Variants in WDR62 observed in about 807,000 individuals in gnomAD.
The protein encoded by WDR62 is WD repeat-containing protein 62.
A neutral mutation model predicts 160.6 loss-of-function variants in WDR62; 112 were observed. The observed-to-expected ratio is 0.70, with a 90% CI of 0.60 to 0.82. The LOEUF (loss-of-function observed/expected upper bound fraction) is 0.82. Among genes scored for constraint, WDR62 ranks in the 40% least tolerant of loss-of-function variants. The probability of loss-of-function intolerance (pLI) is 0.00; values close to 1 mark genes in which losing one functional copy is unlikely to be tolerated. For missense variants in WDR62, 1,819 were observed against 1,983.8 expected, an observed-to-expected ratio of 0.92 and a Z score of 1.58; for synonymous variants, 792 against 815.1, an observed-to-expected ratio of 0.97 and a Z score of 0.48.
chr19:36,057,225 G>A (rs1405465858), intron 1 of WDR62, among the ~76,000 whole-genome samples: 1 of 152,138 alleles, frequency 6.6e-6, no homozygotes, highest in Non-Finnish European at 1.5e-5. Context: ...CATATCCTAG[G>A]CACTTAGAAC....
In WDR62 at chr19:36,066,008, C is replaced by CA. The variant is rs1378637009; in HGVS notation, c.384dup (p.Gly129ArgfsTer6). ...TCCCCTGATGGGAAGTACATAGTGA[C>CA]AGGGGAGGTGAGTCGTGATCGTGAC... On this transcript the variant is annotated frameshift_variant, in exon 4 of 32. Transcript: ENST00000401500. LOFTEE classifies it high-confidence loss of function. 6.2e-7 allele frequency: 1 copy of CA among 1,614,026 alleles called. No individual in the cohort carries two copies. Among genetic ancestry groups the CA allele is most frequent in the African/African-American group, 1.3e-5 (1 of 74,924 alleles).
At position 36,099,615 on chromosome 19, in the gene WDR62, G is replaced by A. The variant is rs149378531; in HGVS notation, c.2737G>A (p.Glu913Lys). The change falls in exon 22 of 32, where the codon GAG (glutamate) becomes AAG (lysine). Residue 913 changes from glutamate to lysine, a missense_variant and splice_region_variant. Physicochemically the swap from Glu to Lys is moderately conservative, Grantham distance 56. Transcript: ENST00000401500. ...ACAGAGCCTGGCCAGCCTGCTGAGT[G>A]AGGTACACACTTCCACCGCAGCCTG... ...EPQSLASLLS[E>K]SESPQEAGRG... 1 of 1,614,074 alleles carries A rather than the reference G, an allele frequency of 6.2e-7. No homozygotes were observed. The highest frequency in any genetic ancestry group is 1.3e-5 in the African/African-American group (1 of 75,066).
At chr19:36,075,372 T>A (rs537573326) in intron 9 of WDR62, 2 of 152,164 alleles carry the variant, frequency 1.3e-5, no homozygotes, top group South Asian at 4.1e-4. Flanking sequence ...ACTCTAAGGT[T>A]CTATCTGTAT....
intron 3 of WDR62, 58 bp downstream of exon 3, chr19:36,060,088 C>G (rs1970570169): frequency 3.3e-6 from 5 of 1,530,370 alleles, no homozygotes; most frequent in South Asian, 1.1e-5. Flanking sequence ...CACGCCTCCC[C>G]TCCCCTACAC....
chr19:36,057,521 C>CT (rs34412614), intron 1 of WDR62, among the ~76,000 whole-genome samples: 69,787 of 146,832 alleles, frequency 0.48, 17,185 homozygotes, highest in African/African-American at 0.62. Flanking sequence ...TGTTTTGTTC[C>CT]TTTTTTTTTT....
intron 7 of WDR62, among the ~76,000 whole-genome samples, chr19:36,069,411 G>T (rs940849650): frequency 9.2e-5 from 14 of 151,368 alleles, no homozygotes; most frequent in Non-Finnish European, 1.5e-4. Flanking sequence ...GGGCAGAGGC[G>T]CTCCCCGCAT....
chr19:36,086,680 C>T lies in WDR62; in HGVS notation c.1643-7C>T. On this transcript the variant is annotated splice_region_variant and splice_polypyrimidine_tract_variant and intron_variant, in intron 12 of 31. Transcript: ENST00000401500. ...TCAGGAACCAGTCTCATTCTCTCCT[C>T]TCACAGGGCTGACCTTGCTGGCCTC... 6.3e-7 allele frequency: 1 copy of T among 1,596,930 alleles called. No individual in the cohort carries two copies. Among genetic ancestry groups the T allele is most frequent in the African/African-American group, 1.3e-5 (1 of 74,654 alleles).
chr19:36,076,428 G>A (rs913002354), intron 9 of WDR62, among the ~76,000 whole-genome samples: 2 of 151,970 alleles, frequency 1.3e-5, no homozygotes, highest in Non-Finnish European at 2.9e-5. Flanking sequence ...CATGGTGGCA[G>A]GCGCCTGTAG....
chr19:36,071,699 A>G lies in WDR62; in HGVS notation c.1026A>G (p.Ala342=). The G allele has an allele frequency of 1.9e-6, 3 of 1,613,988 alleles. No homozygotes were observed. Among genetic ancestry groups the G allele is most frequent in the Non-Finnish European group, 2.5e-6 (3 of 1,179,932 alleles). Residue 342 remains alanine (A), a synonymous_variant, in exon 8 of 32, where the codon GCA becomes GCG. Coordinates refer to ENST00000401500, the MANE Select transcript of WDR62 (RefSeq NM_001083961.2). The stretch of plus-strand genomic sequence containing the variant: ...CACACTACCTTGGGGTAGACGTGGC[A>G]CAGGGCCTGGAGCCCAGGTACTGCC... The part of the protein sequence containing the change: ...PKPHYLGVDV[A]QGLEPSFLFH...
At position 36,092,716 on chromosome 19, in the gene WDR62, G is replaced by A. The variant is rs190314006; in HGVS notation, c.2238G>A (p.Pro746=). Residue 746 remains proline, a synonymous_variant, in exon 19 of 32, where the codon CCG becomes CCA. Coordinates refer to ENST00000401500, the MANE Select transcript of WDR62 (RefSeq NM_001083961.2). ...GCGTGTTCATCTGGCACCTGGGCCC[G>A]GAGATCACCAACTGCATGAAGCAGC... ...DSCVFIWHLG[P]EITNCMKQHL... The A allele has an allele frequency of 3.6e-5, 58 of 1,614,160 alleles. No individual in the cohort carries two copies. In the Middle Eastern group the frequency reaches 6.6e-4, roughly 18 times the overall value.
rs1971760128 is a variant in WDR62, at chr19:36,079,318, GTCC to G, written c.1234-2110_1234-2108del. ...CTTGTTTCAAACTTGGGCTCAAGCA[GTCC>G]TCCTGCCTCAGCCTCCCAAAGTGCT... On this transcript the variant is annotated intron_variant, in intron 9 of 31. Coordinates refer to ENST00000401500, the MANE Select transcript of WDR62 (RefSeq NM_001083961.2). Among the ~76,000 whole-genome samples the G allele has an allele frequency of 2.0e-5, 3 of 152,264 alleles. No individual in the cohort carries two copies. In the South Asian group the frequency reaches 6.2e-4, roughly 32 times the overall value.
chr19:36,060,093 C>A, intron 3 of WDR62, 63 bp downstream of exon 3: 1 of 1,519,116 alleles, frequency 6.6e-7, no homozygotes, highest in Non-Finnish European at 9.1e-7. Context: ...CTCCCCTCCC[C>A]TACACAGCCT....
chr19:36,103,560 A>G lies in WDR62; in HGVS notation c.3732A>G (p.Thr1244=). ...ACAGTGAGGGCCCTATCGTGGCCACACTGGCCCAGCCCCTCCGTAGGCCAT... is the reference window on the plus strand; with the variant it reads ...ACAGTGAGGGCCCTATCGTGGCCACGCTGGCCCAGCCCCTCCGTAGGCCAT... The part of the protein sequence containing the change: ...LGDSEGPIVA[T]LAQPLRRPSS... Residue 1244 remains threonine (T), a synonymous_variant, in exon 30 of 32, where the codon ACA becomes ACG. Coordinates refer to ENST00000401500, the MANE Select transcript of WDR62 (RefSeq NM_001083961.2). 1 of 1,613,914 alleles carries G rather than the reference A, an allele frequency of 6.2e-7. No individual in the cohort carries two copies. Among genetic ancestry groups the G allele is most frequent in the Non-Finnish European group, 8.5e-7 (1 of 1,180,016 alleles).
At position 36,101,288 on chromosome 19, in the gene WDR62, A is replaced by T; in HGVS notation, c.2942A>T (p.Asp981Val). The change falls in exon 24 of 32, where the codon GAC becomes GTC. Residue 981 changes from aspartate (D) to valine (V), a missense_variant. Coordinates refer to ENST00000401500, the MANE Select transcript of WDR62 (RefSeq NM_001083961.2). ...QGDSYLRVSS[D>V]SPKDQSPPED... ...GACTCCTACCTCAGGGTGTCCTCCG[A>T]CAGCCCAAAGGACCAGAGCCCGCCT... 6.2e-7 allele frequency: 1 copy of T among 1,612,398 alleles called. No homozygotes were observed. Among genetic ancestry groups the T allele is most frequent in the Non-Finnish European group, 8.5e-7 (1 of 1,179,650 alleles).
chr19:36,078,557 C>T (rs1045814665), intron 9 of WDR62, among the ~76,000 whole-genome samples: 5 of 151,682 alleles, frequency 3.3e-5, no homozygotes, highest in Admixed American at 1.3e-4. Flanking sequence ...ACAGTAGGCC[C>T]AGCGTGGTGG....
intron 3 of WDR62, among the ~76,000 whole-genome samples, chr19:36,063,880 A>T (rs1470392218): frequency 6.6e-6 from 1 of 152,206 alleles, no homozygotes; most frequent in African/African-American, 2.4e-5. Context: ...TCACTCAACT[A>T]ATCTTAGGCT....
At chr19:36,093,997 A>G (rs1373847594) in intron 19 of WDR62, 34 bp from the exon 20 acceptor site, 2 of 1,612,672 alleles carry the variant, frequency 1.2e-6, no homozygotes, top group East Asian at 2.2e-5. Context: ...ATTTGCCTGT[A>G]TTCTCTCCTT....
In WDR62 at chr19:36,091,264, T is replaced by G. The variant is rs757365364; in HGVS notation, c.2099T>G (p.Ile700Ser). The G allele has an allele frequency of 6.2e-7, 1 of 1,613,772 alleles. No homozygotes were observed. Among genetic ancestry groups the G allele is most frequent in the Non-Finnish European group, 8.5e-7 (1 of 1,180,040 alleles). Residue 700 changes from isoleucine (I) to serine (S), a missense_variant, in exon 17 of 32, where the codon ATT (isoleucine) becomes AGT (serine). Physicochemically the swap from Ile to Ser is moderately radical, Grantham distance 142. Transcript: ENST00000401500. ...TSCSDKSISVIDFYSGECIAK... is the reference protein window; with the variant it reads ...TSCSDKSISVSDFYSGECIAK... ...TGCTCTGACAAAAGCATCTCAGTGA[T>G]TGACTTTTACTCGGGCGAGTGCATT...
chr19:36,087,129 G>A (rs1393407029), intron 13 of WDR62, among the ~76,000 whole-genome samples: 2 of 151,916 alleles, frequency 1.3e-5, no homozygotes, highest in African/African-American at 2.4e-5. Flanking sequence ...CTACTCAGGA[G>A]GCCGAGGTGG....
Sources: gnomAD v4.1 joint callset for allele counts (sites outside exome capture counted in the v4.1 genomes callset) on GRCh38, gnomAD v4.1.1 for gene constraint, MANE v1.5 for transcripts, NCBI Gene and HGNC (gene_info 2026-07-23, HGNC 2026-07-21) for gene names.